The following NKIRAS1 variants were observed in gnomAD, a reference collection of about 807,000 sequenced individuals.
The protein encoded by NKIRAS1 is NF-kappa-B inhibitor-interacting Ras-like protein 1.
A neutral mutation model predicts 19.8 loss-of-function variants in NKIRAS1; 16 were observed. The observed-to-expected ratio is 0.81, with a 90% CI of 0.55 to 1.23. The LOEUF (loss-of-function observed/expected upper bound fraction) is 1.23. Ranked by LOEUF, NKIRAS1 falls within the 50% of genes most tolerant of loss-of-function variation. NKIRAS1 has a pLI of 0.00. For synonymous variants in NKIRAS1, 88 were observed against 79.0 expected (o/e 1.11, Z -0.61); for missense variants, 184 against 220.0 (o/e 0.84, Z 1.04).
chr3:23,916,485 C>A (rs1008691469), intron 1 of NKIRAS1: 7 of 152,306 alleles, frequency 4.6e-5, no homozygotes, highest in Non-Finnish European at 8.8e-5. Flanking sequence ...CCGGGCCGCC[C>A]GCAATCCACC....
intron 4 of NKIRAS1, among the ~76,000 whole-genome samples, chr3:23,894,775 G>A (rs553714841): frequency 6.6e-6 from 1 of 152,204 alleles, no homozygotes; most frequent in East Asian, 1.9e-4. Context: ...CTCCAATGGT[G>A]TCCTTCTCTA....
chr3:23,918,301 G>C (rs576136214), upstream of NKIRAS1: 3 of 1,052,454 alleles, frequency 2.9e-6, no homozygotes, highest in South Asian at 3.4e-5. Flanking sequence ...AAAAGACTGG[G>C]ATGTGTTTTA....
In NKIRAS1 at chr3:23,891,379, G is replaced by A. The variant is rs1449165845; in HGVS notation, c.*1716C>T. The A allele has an allele frequency of 6.6e-6, 1 of 152,180 alleles. No individual in the cohort carries two copies. Among genetic ancestry groups the A allele is most frequent in the Non-Finnish European group, 1.5e-5 (1 of 68,022 alleles). 9.4% of individuals were successfully genotyped at this position (152,180 alleles called of 1,614,324 possible). On this transcript the variant is annotated 3_prime_UTR_variant, in exon 5 of 5. Coordinates refer to ENST00000425478, the MANE Select transcript of NKIRAS1 (RefSeq NM_020345.4). ...GCCATTCGCAGATTCTTCTGAAATC[G>A]ATAGGTATCTGCTTCTAAAACAAGC... is the stretch of plus-strand genomic sequence containing the variant.
At chr3:23,900,001 A>C (rs1039556819) in intron 4 of NKIRAS1, among the ~76,000 whole-genome samples, 3 of 152,010 alleles carry the variant, frequency 2.0e-5, no homozygotes, top group Non-Finnish European at 4.4e-5. Flanking sequence ...GTTTCTACTA[A>C]AAATACAAAA....
intron 3 of NKIRAS1, among the ~76,000 whole-genome samples, chr3:23,905,215 A>C (rs1254952417): frequency 6.6e-6 from 1 of 152,214 alleles, no homozygotes; most frequent in East Asian, 1.9e-4. Flanking sequence ...GCAAAAAATA[A>C]ACTAGACCAT....
At position 23,926,602 on chromosome 3, in the gene NKIRAS1, G is replaced by A. The variant is rs1329906968; in HGVS notation, c.-139-15152C>T. On this transcript the variant is annotated intron_variant, in intron 1 of 4. Transcript: ENST00000421515. This position sits in a 1 kb window ranked among gnomAD's most constrained non-coding sequence, Gnocchi z 4.3. Reference sequence around the variant, plus strand: ...AAAGTTTGATGTATAGATTTCATATGAGAATAGTATTTGTTGCTATAGATA... The same window carrying A: ...AAAGTTTGATGTATAGATTTCATATAAGAATAGTATTTGTTGCTATAGATA... Among the ~76,000 whole-genome samples the A allele has an allele frequency of 1.3e-5, 2 of 152,030 alleles. No individual in the cohort carries two copies. The highest frequency in any genetic ancestry group is 2.9e-5 in the Non-Finnish European group (2 of 68,008).
At chr3:23,896,203 A>G (rs1300158706) in intron 4 of NKIRAS1, among the ~76,000 whole-genome samples, 1 of 151,674 alleles carries the variant, frequency 6.6e-6, no homozygotes, top group East Asian at 1.9e-4. Context: ...CCATCTTCCA[A>G]GCCCATTTGC....
At chr3:23,906,410 A>C (rs1266334055) in intron 3 of NKIRAS1, among the ~76,000 whole-genome samples, 3 of 152,226 alleles carry the variant, frequency 2.0e-5, no homozygotes, top group Non-Finnish European at 4.4e-5. Flanking sequence ...AACAAAAAAA[A>C]GAATCACAGT....
At chr3:23,917,682 C>T, upstream of NKIRAS1, 1 of 641,014 alleles carries the variant, frequency 1.6e-6, no homozygotes, top group Non-Finnish European at 2.6e-6. Context: ...GAACGCGGCT[C>T]CGTGGGCGCA....
intron 4 of NKIRAS1, among the ~76,000 whole-genome samples, chr3:23,899,692 A>G (rs945681178): frequency 1.2e-4 from 18 of 152,280 alleles, no homozygotes; most frequent in Non-Finnish European, 2.4e-4. Context: ...AGACAGGCAG[A>G]TAATAAAGAT....
upstream of NKIRAS1, chr3:23,917,815 G>A: frequency 2.6e-6 from 4 of 1,564,902 alleles, no homozygotes; most frequent in South Asian, 1.2e-5. Flanking sequence ...TGTACTTAAA[G>A]CGGATGATAT....
At position 23,893,018 on chromosome 3, in the gene NKIRAS1, A is replaced by T; in HGVS notation, c.*77T>A. On this transcript the variant is annotated 3_prime_UTR_variant, in exon 5 of 5. Coordinates refer to ENST00000425478, the MANE Select transcript of NKIRAS1 (RefSeq NM_020345.4). ...GGTAGATACAAATGGCCTATTTTAA[A>T]TAGTAATATTACTCCATGTTCACAG... 1 of 1,423,092 alleles carries T rather than the reference A, an allele frequency of 7.0e-7. No homozygotes were observed. Among genetic ancestry groups the T allele is most frequent in the Admixed American group, 2.6e-5 (1 of 38,898 alleles). 88.2% of individuals were successfully genotyped at this position (1,423,092 alleles called of 1,614,324 possible). A position where few individuals can be genotyped will look rare whatever the true frequency, so the allele number is the denominator to read the frequency against.
chr3:23,900,953 C>T lies in NKIRAS1; in HGVS notation c.191G>A (p.Gly64Asp), dbSNP rs775968622. 1 of 1,614,166 alleles carries T rather than the reference C, an allele frequency of 6.2e-7. No individual in the cohort carries two copies. Among genetic ancestry groups the T allele is most frequent in the Non-Finnish European group, 8.5e-7 (1 of 1,180,028 alleles). The change falls in exon 4 of 5, where the codon GGT becomes GAT. Residue 64 changes from glycine to aspartate, a missense_variant. Physicochemically the swap from Gly to Asp is moderately conservative, Grantham distance 94. Transcript: ENST00000425478. ...TGGCAGCTCCACGCCTTCCTGTAGA[C>T]CTCTGGTGTCATAAAGATGTAACTG... is the stretch of plus-strand genomic sequence containing the variant. ...KEQLHLYDTR[G>D]LQEGVELPKH...
chr3:23,898,634 C>T (rs146755886), intron 4 of NKIRAS1, among the ~76,000 whole-genome samples: 172 of 151,998 alleles, frequency 1.1e-3, no homozygotes, highest in Middle Eastern at 6.8e-3. Flanking sequence ...TTAGTAGAGA[C>T]GGGGTTCCAC....
intron 1 of NKIRAS1, among the ~76,000 whole-genome samples, chr3:23,935,939 C>T (rs190992374): frequency 1.3e-5 from 2 of 151,578 alleles, no homozygotes; most frequent in Non-Finnish European, 2.9e-5. Context: ...AAAAATTAGC[C>T]CGGTATGGTG....
At chr3:23,903,633 G>A (rs1181275618) in intron 3 of NKIRAS1, among the ~76,000 whole-genome samples, 1 of 152,092 alleles carries the variant, frequency 6.6e-6, no homozygotes, top group Admixed American at 6.6e-5. Flanking sequence ...AGAAGGGCTG[G>A]AAAATAAAGA....
intron 1 of NKIRAS1, among the ~76,000 whole-genome samples, chr3:23,941,414 T>G (rs1397633320): frequency 6.6e-6 from 1 of 152,166 alleles, no homozygotes; most frequent in Non-Finnish European, 1.5e-5. Flanking sequence ...GCTAATGAGG[T>G]AGCTTTCCTA....
In NKIRAS1 at chr3:23,946,026, CGGGGGCGCGCGCGCGCGCGCTGGCT is replaced by C. The variant is rs908996374; in HGVS notation, c.-140+272_-140+296del. On this transcript the variant is annotated intron_variant, in intron 1 of 4. Coordinates refer to the NKIRAS1 transcript ENST00000421515. Reference sequence around the variant, plus strand: ...CCGGGGCCGCAGGGACACGTGGGGGCGGGGGCGCGCGCGCGCGCGCTGGCTGGGAGCGCCGCAGCCTCCCGGGAGG... The same window carrying C: ...CCGGGGCCGCAGGGACACGTGGGGGCGGGAGCGCCGCAGCCTCCCGGGAGG... The C allele has an allele frequency of 3.6e-6, 3 of 822,498 alleles. No individual in the cohort carries two copies. In the African/African-American group the frequency reaches 5.6e-5, roughly 15 times the overall value. The allele number at this position is 822,498 out of a possible 1,614,324, so 50.9% of individuals were successfully genotyped here.
chr3:23,903,374 C>G (rs539090099), intron 3 of NKIRAS1, among the ~76,000 whole-genome samples: 62 of 152,280 alleles, frequency 4.1e-4, no homozygotes, highest in African/African-American at 1.3e-3. Context: ...TTCTGCCTCC[C>G]AAAGTGCTAG....
Sources: gnomAD v4.1 joint callset for allele counts (sites outside exome capture counted in the v4.1 genomes callset) on GRCh38, gnomAD v4.1.1 for gene constraint, Gnocchi (gnomAD v3.1) non-coding constraint, MANE v1.5 for transcripts, NCBI Gene and HGNC (gene_info 2026-07-23, HGNC 2026-07-21) for gene names.